The following CAMK1D variants were observed in gnomAD, a reference collection of about 807,000 sequenced individuals.
CAMK1D encodes calcium/calmodulin-dependent protein kinase type 1D.
In CAMK1D, 9 loss-of-function variants were observed where a neutral mutation model predicts 47.7. The ratio of observed to expected loss-of-function variants is 0.19; its 90% CI spans 0.11 to 0.33. The LOEUF (loss-of-function observed/expected upper bound fraction) is 0.33, where lower values mean the gene tolerates loss of function less well. Among genes scored for constraint, CAMK1D ranks in the 10% least tolerant of loss-of-function variants. CAMK1D has a pLI of 1.00. For missense variants in CAMK1D, 291 were observed against 488.7 expected, an observed-to-expected ratio of 0.60 and a Z score of 3.81; for synonymous variants, 184 against 184.9, an observed-to-expected ratio of 0.99 and a Z score of 0.04.
intron 1 of CAMK1D, among the ~76,000 whole-genome samples, chr10:12,460,225 A>G (rs1316422291): frequency 6.6e-6 from 1 of 152,026 alleles, no homozygotes; most frequent in Non-Finnish European, 1.5e-5. Flanking sequence ...AAAGGTGGTA[A>G]TGAAAGCTTG....
chr10:12,353,795 C>T (rs1401717576), intron 1 of CAMK1D, among the ~76,000 whole-genome samples: 1 of 152,000 alleles, frequency 6.6e-6, no homozygotes, highest in African/African-American at 2.4e-5. Flanking sequence ...GTTTTCAGAC[C>T]CTTGGCACAC....
chr10:12,388,345 G>A (rs1203093450), intron 1 of CAMK1D, among the ~76,000 whole-genome samples: 1 of 152,044 alleles, frequency 6.6e-6, no homozygotes, highest in Non-Finnish European at 1.5e-5. Context: ...TGTTACTGTC[G>A]AATTCTCCCC....
chr10:12,449,886 C>A lies in CAMK1D; in HGVS notation c.92+99976C>A, dbSNP rs138903177. ...TGGTGGCAGGCGCCTGTAATCCCAG[C>A]TAACTGGGAGGCTGAGGTGGGAGAA... is the stretch of plus-strand genomic sequence containing the variant. On this transcript the variant is annotated intron_variant, in intron 1 of 10. Coordinates refer to ENST00000619168, the MANE Select transcript of CAMK1D (RefSeq NM_153498.4). 3.1e-3 allele frequency among the ~76,000 whole-genome samples: 476 copies of A among 152,244 alleles called. 4 individuals carry two copies. Among genetic ancestry groups the A allele is most frequent in the African/African-American group, 0.01 (434 of 41,542 alleles).
At chr10:12,572,047 C>T (rs1054298431) in intron 2 of CAMK1D, among the ~76,000 whole-genome samples, 1 of 149,602 alleles carries the variant, frequency 6.7e-6, no homozygotes, top group Non-Finnish European at 1.5e-5. Flanking sequence ...AAACCCCCCC[C>T]CAAAAAAAAA....
intron 1 of CAMK1D, among the ~76,000 whole-genome samples, chr10:12,352,482 G>A (rs529612421): frequency 1.8e-3 from 268 of 151,816 alleles, no homozygotes; most frequent in Middle Eastern, 3.4e-3. Context: ...GGTGGTGTGT[G>A]CCTATAATTC....
At chr10:12,674,300 T>C (rs999895824) in intron 3 of CAMK1D, among the ~76,000 whole-genome samples, 3 of 152,334 alleles carry the variant, frequency 2.0e-5, no homozygotes, top group Admixed American at 6.5e-5. Flanking sequence ...TGTTTTTGTT[T>C]GACTAAAGAG....
At chr10:12,801,359 TATC>T (rs369778835) in intron 6 of CAMK1D, among the ~76,000 whole-genome samples, 262 of 86,954 alleles carry the variant, frequency 3.0e-3, no homozygotes, top group Middle Eastern at 0.029. Context: ...CTATCTTATC[TATC>T]TATCTATCTA....
At chr10:12,674,048 C>T (rs1297405858) in intron 3 of CAMK1D, among the ~76,000 whole-genome samples, 1 of 152,122 alleles carries the variant, frequency 6.6e-6, no homozygotes, top group African/African-American at 2.4e-5. Context: ...TGGGCTCAAG[C>T]GATTCTTCCA....
intron 2 of CAMK1D, among the ~76,000 whole-genome samples, chr10:12,659,910 C>T (rs1046070194): frequency 1.3e-5 from 2 of 152,158 alleles, no homozygotes; most frequent in Non-Finnish European, 2.9e-5. Flanking sequence ...GAAAAGCGGA[C>T]CGGAAGCTGA....
intron 1 of CAMK1D, among the ~76,000 whole-genome samples, chr10:12,356,096 C>T (rs578027833): frequency 3.3e-5 from 5 of 152,038 alleles, no homozygotes; most frequent in African/African-American, 1.2e-4. Context: ...TGCACCACTG[C>T]ACTCCAGCCT....
At chr10:12,474,710 T>C (rs1422804720) in intron 1 of CAMK1D, among the ~76,000 whole-genome samples, 1 of 152,100 alleles carries the variant, frequency 6.6e-6, no homozygotes, top group African/African-American at 2.4e-5. Context: ...CTAAGCATAG[T>C]ACCTGATAGT....
intron 2 of CAMK1D, among the ~76,000 whole-genome samples, chr10:12,644,196 C>G (rs977124831): frequency 6.6e-6 from 1 of 152,156 alleles, no homozygotes. Flanking sequence ...TGTTGGAGTT[C>G]CCCGTAAACT....
At chr10:12,515,380 C>T (rs1035360282) in intron 1 of CAMK1D, among the ~76,000 whole-genome samples, 5 of 145,766 alleles carry the variant, frequency 3.4e-5, no homozygotes, top group Non-Finnish European at 7.6e-5. Flanking sequence ...CTATAGTTCG[C>T]TTTGCCTATA....
intron 2 of CAMK1D, among the ~76,000 whole-genome samples, chr10:12,581,927 A>G (rs1837675943): frequency 6.6e-6 from 1 of 151,950 alleles, no homozygotes; most frequent in South Asian, 2.1e-4. Context: ...TTTTTGTTGC[A>G]TTTGCTTTTG....
At chr10:12,828,730 C>T in intron 10 of CAMK1D, 39 bp from the exon 11 acceptor site, 3 of 1,545,856 alleles carry the variant, frequency 1.9e-6, no homozygotes, top group South Asian at 2.2e-5. Context: ...GAGAATTTAC[C>T]TCTGAAACTC....
At chr10:12,566,672 A>G (rs953943343) in intron 2 of CAMK1D, among the ~76,000 whole-genome samples, 13 of 152,250 alleles carry the variant, frequency 8.5e-5, no homozygotes, top group Admixed American at 5.2e-4. Flanking sequence ...ATGGTTTCTG[A>G]CCTTCGAATT....
intron 2 of CAMK1D, among the ~76,000 whole-genome samples, chr10:12,638,584 C>A (rs1839578099): frequency 3.9e-5 from 6 of 152,158 alleles, no homozygotes; most frequent in Non-Finnish European, 8.8e-5. Context: ...GCCAGCCTCC[C>A]CCTTTGTGAG....
chr10:12,645,969 T>TG (rs1839800540), intron 2 of CAMK1D, among the ~76,000 whole-genome samples: 1 of 136,576 alleles, frequency 7.3e-6, no homozygotes, highest in African/African-American at 2.7e-5. Context: ...AATGGCTAGT[T>TG]GTTTTTTTTT....
chr10:12,354,079 C>A (rs1837427450), intron 1 of CAMK1D, among the ~76,000 whole-genome samples: 2 of 152,158 alleles, frequency 1.3e-5, no homozygotes, highest in Admixed American at 6.6e-5. Context: ...GGCCTGGGTA[C>A]TTGGCACGTG....
Sources: gnomAD v4.1 joint callset for allele counts (sites outside exome capture counted in the v4.1 genomes callset) on GRCh38, gnomAD v4.1.1 for gene constraint, MANE v1.5 for transcripts, NCBI Gene and HGNC (gene_info 2026-07-23, HGNC 2026-07-21) for gene names.